GATA6: variants seen among roughly 807,000 people sequenced by gnomAD.
The protein encoded by GATA6 is transcription factor GATA-6.
Under a neutral mutation model 48.1 loss-of-function variants are expected in GATA6, and 11 were observed. The ratio of observed to expected loss-of-function variants is 0.23; its 90% CI spans 0.14 to 0.38. GATA6 has a LOEUF of 0.38. GATA6 is among the 10% of genes least tolerant of loss of function. The pLI, the probability that GATA6 is intolerant of heterozygous loss-of-function variation, is 1.00. For missense variants in GATA6, 795 were observed against 850.3 expected (o/e 0.93, Z 0.81); for synonymous variants, 419 against 396.1 (o/e 1.06, Z -0.69).
At chr18:22,190,978 TC>T in intron 6 of GATA6, among the ~76,000 whole-genome samples, 1 of 151,932 alleles carries the variant, frequency 6.6e-6, no homozygotes, top group Non-Finnish European at 1.5e-5. Flanking sequence ...TTGCATACTT[TC>T]ATTCTGATCT....
chr18:22,199,298 G>A (rs1274056439), intron 6 of GATA6, among the ~76,000 whole-genome samples: 1 of 152,128 alleles, frequency 6.6e-6, no homozygotes, highest in East Asian at 1.9e-4. Flanking sequence ...AAGAAATTCT[G>A]TGAAAAGTAC....
chr18:22,195,243 C>T (rs1598741895), intron 6 of GATA6, among the ~76,000 whole-genome samples: 1 of 152,344 alleles, frequency 6.6e-6, no homozygotes, highest in Non-Finnish European at 1.5e-5. Context: ...GTGAGATTCA[C>T]ATGTGCGTGG....
chr18:22,188,205 C>A (rs2033287588), intron 6 of GATA6, among the ~76,000 whole-genome samples: 1 of 152,052 alleles, frequency 6.6e-6, no homozygotes, highest in Non-Finnish European at 1.5e-5. Flanking sequence ...TATATATGAC[C>A]AGCCCTTGCT....
In GATA6 at chr18:22,172,469, A is replaced by G. The variant is rs994482212; in HGVS notation, c.1135+190A>G. 7.9e-5 allele frequency among the ~76,000 whole-genome samples: 12 copies of G among 152,194 alleles called. No individual in the cohort carries two copies. The highest frequency in any genetic ancestry group is 2.9e-4 in the African/African-American group (12 of 41,450). On this transcript the variant is annotated intron_variant, in intron 2 of 6. Transcript: ENST00000269216. This position sits in a 1 kb window ranked among gnomAD's most constrained non-coding sequence, Gnocchi z 5.2. ...CCCAGAGTCCGGTAGCGCTGAGGCG[A>G]GTTGTGCCAAGACTTGAGTCTGTTG...
rs1240931146 is a variant in GATA6, at chr18:22,170,767, C to T, written c.-37-341C>T. 6.6e-6 allele frequency among the ~76,000 whole-genome samples: 1 copy of T among 151,974 alleles called. No homozygotes were observed. Among genetic ancestry groups the T allele is most frequent in the East Asian group, 2.0e-4 (1 of 5,126 alleles). ...AGGGCGGAAGGAAAGCCTCAGCCAG[C>T]TTCTGCAGATCACCCCTGGGATCTG... On this transcript the variant is annotated intron_variant, in intron 1 of 6. Transcript: ENST00000269216. This position sits in a 1 kb window ranked among gnomAD's most constrained non-coding sequence, Gnocchi z 6.7.
rs775791271 is a variant in GATA6, at chr18:22,200,724, G to A, written c.1689G>A (p.Ser563=). Residue 563 remains serine (S), a synonymous_variant, in exon 7 of 7, where the codon TCG becomes TCA. Coordinates refer to ENST00000269216, the MANE Select transcript of GATA6 (RefSeq NM_005257.6). ...CCGAGAACAGCGAGCTCAAGTATTC[G>A]GGTCAAGATGGGCTCTACATAGGCG... ...TNPENSELKY[S]GQDGLYIGVS... 3.7e-6 allele frequency: 6 copies of A among 1,614,226 alleles called. No homozygotes were observed. The highest frequency in any genetic ancestry group is 1.1e-5 in the South Asian group (1 of 91,086).
rs777486467 is a variant in GATA6 at position 22,171,246 on chromosome 18, G to T, written c.102G>T (p.Thr34=). The change falls in exon 2 of 7, where the codon ACG becomes ACT. Residue 34 remains threonine (T), a synonymous_variant. Transcript: ENST00000269216. The surrounding 1 kb of genome is among the most constrained non-coding windows in gnomAD (Gnocchi z 7.1). ...CCTTTCCAGCGCGGGAGCCCTCCAC[G>T]CCGCCTTCCCCCATCTCTTCCTCGT... is the stretch of plus-strand genomic sequence containing the variant. ...SRAFPAREPS[T]PPSPISSSSS... The T allele has an allele frequency of 6.3e-7, 1 of 1,598,664 alleles. No homozygotes were observed. The highest frequency in any genetic ancestry group is 1.1e-5 in the South Asian group (1 of 90,954).
chr18:22,178,928 G>A (rs1053276954), intron 3 of GATA6, among the ~76,000 whole-genome samples: 1 of 152,068 alleles, frequency 6.6e-6, no homozygotes, highest in Non-Finnish European at 1.5e-5. Flanking sequence ...ACTTTCAAAG[G>A]TAACATTTTC....
At position 22,171,117 on chromosome 18, in the gene GATA6, G is replaced by A; in HGVS notation, c.-28G>A. 1 of 1,595,136 alleles carries A rather than the reference G, an allele frequency of 6.3e-7. No individual in the cohort carries two copies. The stretch of plus-strand genomic sequence containing the variant: ...CCCCACCCCACCTCAGGAGCTAGAC[G>A]TCAGCTTGGAGCGGCGCCGGACCGT... On this transcript the variant is annotated 5_prime_UTR_variant, in exon 2 of 7. Transcript: ENST00000269216. This position sits in a 1 kb window ranked among gnomAD's most constrained non-coding sequence, Gnocchi z 7.1.
Position 22,202,238 on chromosome 18 carries a change from T to G in GATA6, c.*1415T>G, listed in dbSNP as rs1030455899. ...GGACTCAGTATTATTATATTTGAGA[T>G]GATAAGCATTTTGTTTGGGAACAAT... On this transcript the variant is annotated 3_prime_UTR_variant, in exon 7 of 7. Coordinates refer to ENST00000269216, the MANE Select transcript of GATA6 (RefSeq NM_005257.6). 1 of 152,180 alleles carries G rather than the reference T, an allele frequency of 6.6e-6. No individual in the cohort carries two copies. The highest frequency in any genetic ancestry group is 2.4e-5 in the African/African-American group (1 of 41,442). The allele number at this position is 152,180 out of a possible 1,614,324, so 9.4% of individuals were successfully genotyped here.
chr18:22,182,973 C>A lies in GATA6; in HGVS notation c.1550C>A (p.Thr517Asn). 1 of 1,614,114 alleles carries A rather than the reference C, an allele frequency of 6.2e-7. No homozygotes were observed. The highest frequency in any genetic ancestry group is 1.1e-5 in the South Asian group (1 of 91,082). Residue 517 changes from threonine (T) to asparagine (N), a missense_variant, in exon 6 of 7, where the codon ACT (threonine) becomes AAT (asparagine). By Grantham distance (65) the Thr-to-Asn change is moderately conservative. Coordinates refer to ENST00000269216, the MANE Select transcript of GATA6 (RefSeq NM_005257.6). ...AATAATTCCATTCCCATGACTCCAA[C>A]TTCCACCTCTTCTAACTCAGATGAT... ...NSNNSIPMTP[T>N]STSSNSDDCS...
intron 6 of GATA6, among the ~76,000 whole-genome samples, chr18:22,184,219 G>C (rs1387613703): frequency 6.6e-6 from 1 of 152,122 alleles, no homozygotes; most frequent in Non-Finnish European, 1.5e-5. Flanking sequence ...TGTTTAAACT[G>C]TGCTTAAAAT....
chr18:22,175,600 ACTCG>A (rs1395365423), intron 2 of GATA6: 11 of 152,202 alleles, frequency 7.2e-5, no homozygotes, highest in African/African-American at 2.7e-4. Flanking sequence ...ACAACTTTGA[ACTCG>A]GGTTGTGTAG....
rs1324013302 is a variant in GATA6, at chr18:22,171,503, A to G, written c.359A>G (p.Gln120Arg). Residue 120 changes from glutamine (Q) to arginine (R), a missense_variant, in exon 2 of 7, where the codon CAA (glutamine) becomes CGA (arginine). Around this residue, in one of 5 missense-constraint regions of GATA6, gnomAD observed 591 missense variants for 570.0 expected, o/e 1.04. Transcript: ENST00000269216. This position sits in a 1 kb window ranked among gnomAD's most constrained non-coding sequence, Gnocchi z 7.1. ...EDLLLFTDLD[Q>R]AATASKLLWS... is the part of the protein sequence containing the mutation. ...TTGCTGCTGTTCACTGACCTCGACCAAGCCGCGACCGCCAGCAAGCTGCTG... is the reference window on the plus strand; with the variant it reads ...TTGCTGCTGTTCACTGACCTCGACCGAGCCGCGACCGCCAGCAAGCTGCTG... 1 of 1,602,778 alleles carries G rather than the reference A, an allele frequency of 6.2e-7. No homozygotes were observed. The highest frequency in any genetic ancestry group is 1.1e-5 in the South Asian group (1 of 91,060).
intron 2 of GATA6, among the ~76,000 whole-genome samples, chr18:22,173,128 C>A (rs925580003): frequency 6.6e-6 from 1 of 152,120 alleles, no homozygotes; most frequent in Non-Finnish European, 1.5e-5. Flanking sequence ...GGGGGTAAAC[C>A]GTGAAAACGC....
rs1372244407 is a variant in GATA6 at position 22,170,065 on chromosome 18, G to C, written c.-38+383G>C. Among the ~76,000 whole-genome samples the C allele has an allele frequency of 6.6e-6, 1 of 152,182 alleles. No homozygotes were observed. The highest frequency in any genetic ancestry group is 1.5e-5 in the Non-Finnish European group (1 of 68,022). On this transcript the variant is annotated intron_variant, in intron 1 of 6. Transcript: ENST00000269216. The surrounding 1 kb of genome is among the most constrained non-coding windows in gnomAD (Gnocchi z 6.7). Reference sequence around the variant, plus strand: ...CGAGGCGATTTGGAAGAGCAGCCTGGAGGAGGCCAGCCCGGCTGCATTTCA... The same window carrying C: ...CGAGGCGATTTGGAAGAGCAGCCTGCAGGAGGCCAGCCCGGCTGCATTTCA...
At position 22,172,348 on chromosome 18, in the gene GATA6, C is replaced by G; in HGVS notation, c.1135+69C>G. 6 of 1,502,828 alleles carry G rather than the reference C, an allele frequency of 4.0e-6. No homozygotes were observed. The allele number at this position is 1,502,828 out of a possible 1,614,324, so 93.1% of individuals were successfully genotyped here. A position where few individuals can be genotyped will look rare whatever the true frequency, so the allele number is the denominator to read the frequency against. On this transcript the variant is annotated intron_variant, in intron 2 of 6. Coordinates refer to ENST00000269216, the MANE Select transcript of GATA6 (RefSeq NM_005257.6). This position sits in a 1 kb window ranked among gnomAD's most constrained non-coding sequence, Gnocchi z 5.2. ...GGGGCGCACGGGGGACGTGGAGCAGCTGCTCCACTCGGGCCCTGTTTTCAG... is the reference window on the plus strand; with the variant it reads ...GGGGCGCACGGGGGACGTGGAGCAGGTGCTCCACTCGGGCCCTGTTTTCAG...
At chr18:22,195,919 G>A (rs1037042431) in intron 6 of GATA6, among the ~76,000 whole-genome samples, 7 of 152,180 alleles carry the variant, frequency 4.6e-5, no homozygotes, top group Admixed American at 3.9e-4. Context: ...CCTTTGCGGA[G>A]CCTTTCCCTT....
chr18:22,181,384 TAATG>T, intron 3 of GATA6, 65 bp from the exon 4 acceptor site: 1 of 1,505,522 alleles, frequency 6.6e-7, no homozygotes, highest in Non-Finnish European at 9.2e-7. Context: ...CAAAATACCT[TAATG>T]TATGTATGTA....
Sources: gnomAD v4.1 joint callset for allele counts (sites outside exome capture counted in the v4.1 genomes callset) on GRCh38, gnomAD v4.1.1 for gene constraint, gnomAD v4.1.1 regional missense constraint, Gnocchi (gnomAD v3.1) non-coding constraint, MANE v1.5 for transcripts, NCBI Gene and HGNC (gene_info 2026-07-23, HGNC 2026-07-21) for gene names.